LIN28B: variants seen among roughly 807,000 people sequenced by gnomAD.
The protein encoded by LIN28B is protein lin-28 homolog B.
A neutral mutation model predicts 21.9 loss-of-function variants in LIN28B; 5 were observed. The ratio of observed to expected loss-of-function variants is 0.23; its 90% CI spans 0.12 to 0.48. The LOEUF is 0.48. Ranked by LOEUF, LIN28B falls within the 20% of genes least tolerant of loss-of-function variation. The pLI is 0.98. For synonymous variants in LIN28B, 109 were observed against 111.3 expected (o/e 0.98, Z 0.13); for missense variants, 245 against 310.5 (o/e 0.79, Z 1.58).
intron 1 of LIN28B, among the ~76,000 whole-genome samples, chr6:104,957,612 G>A (rs1778309586): frequency 6.6e-6 from 1 of 151,820 alleles, no homozygotes; most frequent in African/African-American, 2.4e-5. Context: ...AGTTATGGGG[G>A]GGAGGGGAAT....
At position 104,957,176 on chromosome 6, in the gene LIN28B, G is replaced by A; in HGVS notation, c.-75G>A. On this transcript the variant is annotated 5_prime_UTR_variant, in exon 1 of 4. An upstream open reading frame in the 5' UTR loses its in-frame stop. Transcript: ENST00000345080. ...TCGCACAAAATCAAGATGTTAGATT[G>A]ATGCAGAAGATCACTCCGTTCCAAA... The A allele has an allele frequency of 6.2e-7, 1 of 1,613,600 alleles. No homozygotes were observed. The highest frequency in any genetic ancestry group is 8.5e-7 in the Non-Finnish European group (1 of 1,179,712).
intron 2 of LIN28B, among the ~76,000 whole-genome samples, chr6:105,012,704 T>C (rs955136948): frequency 2.6e-5 from 4 of 152,154 alleles, no homozygotes; most frequent in South Asian, 2.1e-4. Context: ...AAAAGTTGTT[T>C]ATCTGTTCTA....
upstream of LIN28B, among the ~76,000 whole-genome samples, chr6:104,954,639 A>G (rs1473900294): frequency 6.6e-6 from 1 of 152,166 alleles, no homozygotes; most frequent in Non-Finnish European, 1.5e-5. Context: ...AAAGCCTTCT[A>G]CACAACTTGA....
At chr6:105,031,695 C>T (rs909123113) in intron 3 of LIN28B, among the ~76,000 whole-genome samples, 6 of 151,772 alleles carry the variant, frequency 4.0e-5, no homozygotes, top group African/African-American at 1.2e-4. Context: ...CACCACACGT[C>T]GCTAATTTTT....
At chr6:104,994,587 G>A (rs1770561291) in intron 2 of LIN28B, among the ~76,000 whole-genome samples, 2 of 152,168 alleles carry the variant, frequency 1.3e-5, no homozygotes, top group South Asian at 4.1e-4. Flanking sequence ...CAAAAGGGGA[G>A]GTTTTTCATT....
chr6:105,026,962 A>T (rs915892702), intron 3 of LIN28B, among the ~76,000 whole-genome samples: 1 of 152,086 alleles, frequency 6.6e-6, no homozygotes, highest in African/African-American at 2.4e-5. Context: ...GAAACTTGTA[A>T]TTTTTTTCAC....
chr6:104,952,472 T>C (rs1250286877), upstream of LIN28B, among the ~76,000 whole-genome samples: 1 of 152,196 alleles, frequency 6.6e-6, no homozygotes, highest in Admixed American at 6.5e-5. Context: ...GAGAAGTATG[T>C]TAATGTAATA....
chr6:105,030,588 C>G (rs951276335), intron 3 of LIN28B, among the ~76,000 whole-genome samples: 1 of 134,480 alleles, frequency 7.4e-6, no homozygotes, highest in African/African-American at 2.7e-5. Flanking sequence ...TTCTTTCTTT[C>G]TTTCTTTTTT....
chr6:104,966,077 A>T (rs577374485), intron 2 of LIN28B, among the ~76,000 whole-genome samples: 171 of 152,338 alleles, frequency 1.1e-3, no homozygotes, highest in Non-Finnish European at 1.8e-3. Flanking sequence ...TAGGAGGATT[A>T]CATGTTATTA....
At chr6:104,967,188 T>A (rs779784859) in intron 2 of LIN28B, among the ~76,000 whole-genome samples, 33 of 152,148 alleles carry the variant, frequency 2.2e-4, no homozygotes, top group Non-Finnish European at 4.0e-4. Flanking sequence ...ATAATATTAA[T>A]TTCATTTATC....
intron 3 of LIN28B, among the ~76,000 whole-genome samples, chr6:105,044,551 A>T (rs1771702448): frequency 1.3e-5 from 2 of 152,166 alleles, no homozygotes; most frequent in African/African-American, 2.4e-5. Flanking sequence ...TGTAAATCCA[A>T]AGTATAGTAC....
At chr6:105,049,331 C>T (rs1771841665) in intron 3 of LIN28B, among the ~76,000 whole-genome samples, 1 of 152,146 alleles carries the variant, frequency 6.6e-6, no homozygotes, top group Non-Finnish European at 1.5e-5. Flanking sequence ...TTTGTTAATC[C>T]TGAGTTCTAG....
chr6:104,950,455 T>C, intron 2 of LIN28B: 4 of 1,225,480 alleles, frequency 3.3e-6, no homozygotes, highest in Non-Finnish European at 4.1e-6. Flanking sequence ...AGCTCTCTGA[T>C]TTTAGGTTCT....
At chr6:105,041,000 C>T (rs967993722) in intron 3 of LIN28B, among the ~76,000 whole-genome samples, 3 of 152,150 alleles carry the variant, frequency 2.0e-5, no homozygotes, top group Non-Finnish European at 2.9e-5. Context: ...CAGCCTCGAC[C>T]TCCTGGGCTC....
intron 2 of LIN28B, among the ~76,000 whole-genome samples, chr6:105,020,821 C>T (rs1771125070): frequency 7.0e-6 from 1 of 143,486 alleles, no homozygotes; most frequent in East Asian, 2.1e-4. Context: ...GGCAGGATCT[C>T]GGCTCACTGC....
At chr6:104,943,983 G>A (rs1778127963) in intron 2 of LIN28B, among the ~76,000 whole-genome samples, 2 of 152,048 alleles carry the variant, frequency 1.3e-5, no homozygotes, top group African/African-American at 2.4e-5. Flanking sequence ...AATGATGCTC[G>A]ACAAAGTCGC....
intron 2 of LIN28B, among the ~76,000 whole-genome samples, chr6:104,999,082 A>G (rs1362991881): frequency 5.3e-5 from 8 of 152,234 alleles, no homozygotes; most frequent in Admixed American, 5.2e-4. Flanking sequence ...TCATGAAGAT[A>G]TAAATATAGA....
chr6:105,055,569 ATATT>A (rs1201131109), intron 3 of LIN28B, among the ~76,000 whole-genome samples: 3 of 152,020 alleles, frequency 2.0e-5, no homozygotes, highest in Non-Finnish European at 4.4e-5. Context: ...AAATATCTTC[ATATT>A]TATTATATTC....
chr6:104,943,746 G>C (rs985893877), intron 2 of LIN28B, among the ~76,000 whole-genome samples: 1 of 151,904 alleles, frequency 6.6e-6, no homozygotes, highest in Admixed American at 6.6e-5. Context: ...GACTTTTAAA[G>C]GGACTGTATT....
Sources: allele counts gnomAD v4.1 joint callset (sites outside exome capture counted in the v4.1 genomes callset), GRCh38; gene constraint gnomAD v4.1.1; transcripts MANE v1.5; gene names NCBI Gene and HGNC (gene_info 2026-07-23, HGNC 2026-07-21).